The following PDPR variants were observed in gnomAD, a reference collection of about 807,000 sequenced individuals.
PDPR encodes pyruvate dehydrogenase phosphatase regulatory subunit, also known as pyruvate dehydrogenase phosphatase regulatory subunit, mitochondrial.
PDPR carries 50 observed loss-of-function variants against 102.2 expected under a neutral mutation model. The ratio of observed to expected loss-of-function variants is 0.49; its 90% CI spans 0.39 to 0.62. PDPR has a LOEUF of 0.62. PDPR is among the 20% of genes least tolerant of loss of function. The pLI is 0.00. For missense variants in PDPR, 625 were observed against 1,098.2 expected (o/e 0.57, Z 6.09); for synonymous variants, 259 against 406.0 (o/e 0.64, Z 4.35).
intron 16 of PDPR, among the ~76,000 whole-genome samples, chr16:70,147,957 G>T (rs1259161513): frequency 1.3e-5 from 2 of 152,248 alleles, no homozygotes; most frequent in Non-Finnish European, 2.9e-5. Context: ...GATTGCGTCA[G>T]TGGCCGCTGT....
In PDPR at chr16:70,160,022, T is replaced by C. The variant is rs1054985675; in HGVS notation, c.*3143T>C. 6.5e-5 allele frequency: 10 copies of C among 153,160 alleles called. No individual in the cohort carries two copies. The highest frequency in any genetic ancestry group is 2.0e-4 in the Admixed American group (3 of 15,310). 9.5% of individuals were successfully genotyped at this position (153,160 alleles called of 1,614,324 possible). ...TCTCTGCAATTACCTGTCATAGCAT[T>C]TTGTGCTCACCACGAAGGATGGTCT... On this transcript the variant is annotated 3_prime_UTR_variant, in exon 19 of 19. Coordinates refer to ENST00000288050, the MANE Select transcript of PDPR (RefSeq NM_017990.5).
chr16:70,152,496 C>G (rs1293908720), intron 17 of PDPR, among the ~76,000 whole-genome samples: 2 of 152,256 alleles, frequency 1.3e-5, no homozygotes, highest in African/African-American at 4.8e-5. Flanking sequence ...CTAGCCTGGG[C>G]AAAAGAGCAA....
In PDPR at chr16:70,142,588, A is replaced by C. The variant is rs2152104914; in HGVS notation, c.1507A>C (p.Lys503Gln). 1 of 1,614,090 alleles carries C rather than the reference A, an allele frequency of 6.2e-7. No individual in the cohort carries two copies. Among genetic ancestry groups the C allele is most frequent in the East Asian group, 2.2e-5 (1 of 44,888 alleles). Residue 503 changes from lysine to glutamine, a missense_variant, in exon 13 of 19, where the codon AAG becomes CAG. Transcript: ENST00000288050. ...LALEQSKTFYKPDWFDIVESE... is the reference protein window; with the variant it reads ...LALEQSKTFYQPDWFDIVESE... The stretch of plus-strand genomic sequence containing the variant: ...ATTGGAGCAGAGCAAGACTTTCTAT[A>C]AGCCAGATTGGTTTGACATCGTGGA...
intron 16 of PDPR, 71 bp downstream of exon 16, chr16:70,146,299 A>G (rs1966236464): frequency 1.9e-6 from 3 of 1,607,868 alleles, no homozygotes; most frequent in Non-Finnish European, 2.5e-6. Context: ...GCAGGTACAT[A>G]TTCTTACTAT....
At chr16:70,156,283 G>A (rs1967176964) in intron 18 of PDPR, 192 bp from the exon 19 acceptor site, 6 of 649,840 alleles carry the variant, frequency 9.2e-6, no homozygotes, top group African/African-American at 3.7e-5. Context: ...AAATTACCGC[G>A]GCGTCTTTTA....
chr16:70,118,042 G>C (rs1190007868), intron 2 of PDPR, among the ~76,000 whole-genome samples: 1 of 150,078 alleles, frequency 6.7e-6, no homozygotes, highest in South Asian at 2.1e-4. Flanking sequence ...GCAGTGAGCC[G>C]AGATCACACC....
At chr16:70,132,339 G>T (rs867749262) in intron 9 of PDPR, 39 bp downstream of exon 9, 1 of 1,563,564 alleles carries the variant, frequency 6.4e-7, no homozygotes, top group Non-Finnish European at 8.8e-7. Context: ...CCTTATATTT[G>T]TTTAAGATGT....
At position 70,127,382 on chromosome 16, in the gene PDPR, G is replaced by A; in HGVS notation, c.350G>A (p.Gly117Glu). Reference sequence around the variant, plus strand: ...TACTATCAGTTAGAGCAAGAAACAGGGATCCAAACAGGTAAGCAAGTGTCT... The same window carrying A: ...TACTATCAGTTAGAGCAAGAAACAGAGATCCAAACAGGTAAGCAAGTGTCT... ...KLYYQLEQET[G>E]IQTGYTRTGS... The change falls in exon 4 of 19, where the codon GGG becomes GAG. Residue 117 changes from glycine to glutamate, a missense_variant. Around this residue, in one of 11 missense-constraint regions of PDPR, gnomAD observed 24 missense variants for 61.7 expected, o/e 0.39. Transcript: ENST00000288050. 1.2e-6 allele frequency: 2 copies of A among 1,610,018 alleles called. No individual in the cohort carries two copies. The highest frequency in any genetic ancestry group is 2.2e-5 in the South Asian group (2 of 90,758).
In PDPR at chr16:70,159,625, G is replaced by A. The variant is rs1348613966; in HGVS notation, c.*2746G>A. 2.0e-5 allele frequency: 3 copies of A among 152,854 alleles called. No homozygotes were observed. Among genetic ancestry groups the A allele is most frequent in the African/African-American group, 7.2e-5 (3 of 41,486 alleles). The allele number at this position is 152,854 out of a possible 1,614,324, so 9.5% of individuals were successfully genotyped here. A position where few individuals can be genotyped will look rare whatever the true frequency, so the allele number is the denominator to read the frequency against. On this transcript the variant is annotated 3_prime_UTR_variant, in exon 19 of 19. Coordinates refer to ENST00000288050, the MANE Select transcript of PDPR (RefSeq NM_017990.5). Reference sequence around the variant, plus strand: ...ATCTGACAGTGAATGACTCTCCCCTGCTTCTGGCATAACTGCTTTGCCTCT... The same window carrying A: ...ATCTGACAGTGAATGACTCTCCCCTACTTCTGGCATAACTGCTTTGCCTCT...
intron 9 of PDPR, among the ~76,000 whole-genome samples, chr16:70,135,784 C>T (rs1286296597): frequency 1.3e-5 from 2 of 152,266 alleles, no homozygotes; most frequent in African/African-American, 2.4e-5. Flanking sequence ...AAAATCTCTT[C>T]CAGCCGGACG....
At position 70,153,274 on chromosome 16, in the gene PDPR, T is replaced by C. The variant is rs868805542; in HGVS notation, c.2053-117T>C. On this transcript the variant is annotated intron_variant, in intron 17 of 18. Transcript: ENST00000288050. ...TGTCAAGGATGAGACATCCTGGGAG[T>C]TTTATACGCCTCCTCTCTTGTCCAT... The C allele has an allele frequency of 5.1e-6, 6 of 1,173,970 alleles. No individual in the cohort carries two copies. The Middle Eastern group carries it at 1.2e-3, about 239-fold the overall frequency. The allele number at this position is 1,173,970 out of a possible 1,614,324, so 72.7% of individuals were successfully genotyped here.
intron 9 of PDPR, among the ~76,000 whole-genome samples, chr16:70,132,729 C>A (rs1297458959): frequency 6.6e-6 from 1 of 152,136 alleles, no homozygotes; most frequent in Admixed American, 6.6e-5. Flanking sequence ...CTCAAGTGAT[C>A]CCTTTCACCT....
In PDPR at chr16:70,153,463, G is replaced by A. The variant is rs1182532905; in HGVS notation, c.2125G>A (p.Ala709Thr). The change falls in exon 18 of 19, where the codon GCT (alanine) becomes ACT (threonine). Residue 709 changes from alanine (A) to threonine (T), a missense_variant. By Grantham distance (58) the Ala-to-Thr change is moderately conservative. Coordinates refer to ENST00000288050, the MANE Select transcript of PDPR (RefSeq NM_017990.5). ...KYGIRNAGYY[A>T]LRSLRIEKFF... ...CGGAATCCGGAATGCTGGGTATTAC[G>A]CTCTTCGCAGTCTCCGAATTGAGAA... 11 of 1,613,662 alleles carry A rather than the reference G, an allele frequency of 6.8e-6. No individual in the cohort carries two copies. The highest frequency in any genetic ancestry group is 3.3e-5 in the Admixed American group (2 of 59,954).
chr16:70,162,544 C>G (rs1967891304), downstream of PDPR: 2 of 152,456 alleles, frequency 1.3e-5, no homozygotes. Flanking sequence ...TGCACGGCTG[C>G]TTGTGAAATG....
rs776859858 is a variant in PDPR, at chr16:70,143,506, G to T, written c.1606-4G>T. On this transcript the variant is annotated splice_region_variant and splice_polypyrimidine_tract_variant and intron_variant, in intron 13 of 18. Transcript: ENST00000288050. ...TCTCTCTGTTTCATTCCCTAACCCT[G>T]CAGTCCACTGGGGATCAGGCATTAG... 1 of 1,613,676 alleles carries T rather than the reference G, an allele frequency of 6.2e-7. No individual in the cohort carries two copies. The highest frequency in any genetic ancestry group is 8.5e-7 in the Non-Finnish European group (1 of 1,179,648).
chr16:70,123,101 C>T (rs1252618889), intron 3 of PDPR, among the ~76,000 whole-genome samples: 8 of 152,184 alleles, frequency 5.3e-5, no homozygotes, highest in African/African-American at 1.9e-4. Context: ...GGGGTTTCAC[C>T]ATGTTGGCCA....
At chr16:70,144,101 A>G (rs181226104) in intron 14 of PDPR, among the ~76,000 whole-genome samples, 3 of 151,994 alleles carry the variant, frequency 2.0e-5, no homozygotes, top group Non-Finnish European at 4.4e-5. Context: ...CACATTGCCC[A>G]GGCTGATCTT....
chr16:70,150,222 G>C (rs1175775193), intron 17 of PDPR, among the ~76,000 whole-genome samples: 3 of 151,000 alleles, frequency 2.0e-5, no homozygotes, highest in African/African-American at 7.3e-5. Context: ...TCCTGCCTCA[G>C]CCTCCCGAGT....
intron 18 of PDPR, 70 bp from the exon 19 acceptor site, chr16:70,156,405 C>T: frequency 1.9e-6 from 3 of 1,562,258 alleles, no homozygotes; most frequent in Admixed American, 3.6e-5. Flanking sequence ...GGGACCCTTC[C>T]CACGGTGCTG....
Sources: allele counts gnomAD v4.1 joint callset (sites outside exome capture counted in the v4.1 genomes callset), GRCh38; gene constraint gnomAD v4.1.1; regional missense constraint gnomAD v4.1.1; transcripts MANE v1.5; gene names NCBI Gene and HGNC (gene_info 2026-07-23, HGNC 2026-07-21).